Variants in DGKB observed in about 807,000 individuals in gnomAD.
DGKB encodes the protein diacylglycerol kinase beta, also known as 90 kDa diacylglycerol kinase.
In DGKB, 67 loss-of-function variants were observed where a neutral mutation model predicts 114.3. The ratio of observed to expected loss-of-function variants is 0.59; its 90% confidence interval spans 0.48 to 0.72. The LOEUF is 0.72. Among genes scored for constraint, DGKB ranks in the 30% least tolerant of loss-of-function variants. DGKB has a pLI of 0.00. For synonymous variants in DGKB, 398 were observed against 323.1 expected (o/e 1.23, Z -2.49); for missense variants, 907 against 975.2 (o/e 0.93, Z 0.93).
intron 23 of DGKB, among the ~76,000 whole-genome samples, chr7:14,216,428 GA>G (rs1788970448): frequency 6.6e-6 from 1 of 152,088 alleles, no homozygotes; most frequent in South Asian, 2.1e-4. Context: ...AGGTGACTAT[GA>G]AAATGCATAT....
intron 23 of DGKB, among the ~76,000 whole-genome samples, chr7:14,300,594 C>A (rs1010385149): frequency 3.9e-5 from 6 of 151,988 alleles, no homozygotes; most frequent in African/African-American, 9.7e-5. Context: ...TACCTGCAGT[C>A]AAATTTAAAT....
rs542712103 is a variant in DGKB at position 14,847,569 on chromosome 7, T to C, written c.-187-6119A>G. 5.9e-5 allele frequency among the ~76,000 whole-genome samples: 9 copies of C among 152,358 alleles called. No homozygotes were observed. The South Asian group carries it at 1.9e-3, about 32-fold the overall frequency. The stretch of plus-strand genomic sequence containing the variant: ...AGATGCAAGGCATCATGCCAGACAC[T>C]GGGGATGTAGTGTTATGCTAAACAG... On this transcript the variant is annotated intron_variant, in intron 1 of 25. Coordinates refer to ENST00000402815, the MANE Select transcript of DGKB (RefSeq NM_001350709.2).
intron 2 of DGKB, among the ~76,000 whole-genome samples, chr7:14,797,703 A>G (rs1339506083): frequency 6.6e-6 from 1 of 150,860 alleles, no homozygotes; most frequent in Non-Finnish European, 1.5e-5. Context: ...ATAATGTTGG[A>G]GCTTGTTCTA....
At position 14,172,428 on chromosome 7, in the gene DGKB, T is replaced by C. The variant is rs115730079; in HGVS notation, c.2304+4411A>G. Among the ~76,000 whole-genome samples, 3 of 151,908 alleles carry C rather than the reference T, an allele frequency of 2.0e-5. No individual in the cohort carries two copies. In the East Asian group the frequency reaches 5.8e-4, roughly 29 times the overall value. ...ATGAATTGGGCCAAATCTAAAACAG[T>C]GGTTAATAGGGAGAGAAAGAAAGGA... On this transcript the variant is annotated intron_variant, in intron 25 of 25. Coordinates refer to ENST00000402815, the MANE Select transcript of DGKB (RefSeq NM_001350709.2).
intron 12 of DGKB, among the ~76,000 whole-genome samples, chr7:14,680,120 G>A (rs1443164734): frequency 6.6e-6 from 1 of 151,918 alleles, no homozygotes; most frequent in African/African-American, 2.4e-5. Flanking sequence ...AGAGAGTTTA[G>A]TAAGAGGGCA....
At chr7:14,315,141 A>G (rs1387936197) in intron 23 of DGKB, among the ~76,000 whole-genome samples, 24 of 145,522 alleles carry the variant, frequency 1.6e-4, no homozygotes, top group African/African-American at 6.0e-4. Flanking sequence ...AGCGCTAAAC[A>G]TGGAAAGGAA....
At chr7:14,845,425 G>C (rs921957387) in intron 1 of DGKB, among the ~76,000 whole-genome samples, 25 of 152,100 alleles carry the variant, frequency 1.6e-4, no homozygotes, top group African/African-American at 5.8e-4. Context: ...AAGTTGTTTT[G>C]AGCCCTGATG....
chr7:14,618,148 A>T (rs1482849632), intron 15 of DGKB, among the ~76,000 whole-genome samples: 3 of 151,604 alleles, frequency 2.0e-5, no homozygotes, highest in African/African-American at 7.2e-5. Flanking sequence ...ACGTACACAC[A>T]CATACATCAA....
At position 14,148,402 on chromosome 7, in the gene DGKB, C is replaced by A. The variant is rs1037404918; in HGVS notation, c.*729G>T. On this transcript the variant is annotated 3_prime_UTR_variant, in exon 26 of 26. Coordinates refer to ENST00000402815, the MANE Select transcript of DGKB (RefSeq NM_001350709.2). The stretch of plus-strand genomic sequence containing the variant: ...GTGGTTATGAATTCTCTCCTAGATT[C>A]TCATGCAGAAAGGAACAAGGCTTGC... 6.6e-6 allele frequency: 1 copy of A among 152,588 alleles called. No individual in the cohort carries two copies. The highest frequency in any genetic ancestry group is 6.6e-5 in the Admixed American group (1 of 15,244). The allele number at this position is 152,588 out of a possible 1,614,324, so 9.5% of individuals were successfully genotyped here.
At chr7:14,308,503 A>G (rs1804846104) in intron 23 of DGKB, among the ~76,000 whole-genome samples, 1 of 152,226 alleles carries the variant, frequency 6.6e-6, no homozygotes, top group Non-Finnish European at 1.5e-5. Context: ...TTTATCAGAA[A>G]TATCTTTGCC....
At chr7:14,397,872 G>A (rs1444855111) in intron 21 of DGKB, among the ~76,000 whole-genome samples, 1 of 151,912 alleles carries the variant, frequency 6.6e-6, no homozygotes. Context: ...AATTGTTCCC[G>A]GGTGCTCAAC....
At chr7:14,351,580 A>G (rs1331779191) in intron 21 of DGKB, among the ~76,000 whole-genome samples, 1 of 152,216 alleles carries the variant, frequency 6.6e-6, no homozygotes, top group African/African-American at 2.4e-5. Flanking sequence ...CCAGTTGAAT[A>G]AAATCAGCAA....
At chr7:14,808,578 A>G (rs560369627) in intron 2 of DGKB, among the ~76,000 whole-genome samples, 1 of 152,150 alleles carries the variant, frequency 6.6e-6, no homozygotes, top group Non-Finnish European at 1.5e-5. Flanking sequence ...GAAGTTTTGC[A>G]CAAGATAAAG....
At chr7:14,599,096 C>T (rs1469020595) in intron 17 of DGKB, among the ~76,000 whole-genome samples, 4 of 152,192 alleles carry the variant, frequency 2.6e-5, no homozygotes, top group South Asian at 2.1e-4. Flanking sequence ...CTTCCTTGGA[C>T]GTGTGTCTTA....
rs185706964 is a variant in DGKB, at chr7:14,201,612, A to G, written c.2123-23461T>C. Among the ~76,000 whole-genome samples, 182 of 152,072 alleles carry G rather than the reference A, an allele frequency of 1.2e-3. 1 individual carries two copies. The highest frequency in any genetic ancestry group is 2.6e-4 in the Non-Finnish European group (18 of 67,930). On this transcript the variant is annotated intron_variant, in intron 23 of 25. Transcript: ENST00000402815. ...CAAGCTGATGATGATGTCACCAACT[A>G]AGATGCAAAATCCTGGGGGAAAAGC... is the stretch of plus-strand genomic sequence containing the variant.
At chr7:14,233,460 T>TGCAA (rs1792230133) in intron 23 of DGKB, among the ~76,000 whole-genome samples, 1 of 152,062 alleles carries the variant, frequency 6.6e-6, no homozygotes, top group South Asian at 2.1e-4. Flanking sequence ...TTTGCTATCT[T>TGCAA]GCAAGCGTAA....
At chr7:14,172,205 T>C (rs886137910) in intron 25 of DGKB, among the ~76,000 whole-genome samples, 2 of 150,842 alleles carry the variant, frequency 1.3e-5, no homozygotes, top group African/African-American at 4.8e-5. Context: ...GAGATTATGT[T>C]GGTAAAACAG....
intron 21 of DGKB, among the ~76,000 whole-genome samples, chr7:14,386,656 A>G (rs1426558897): frequency 1.3e-5 from 2 of 152,216 alleles, no homozygotes; most frequent in African/African-American, 4.8e-5. Context: ...CTCAGTCTAC[A>G]GTAATTACAG....
At chr7:14,742,013 G>C (rs1024535059) in intron 4 of DGKB, among the ~76,000 whole-genome samples, 2 of 151,916 alleles carry the variant, frequency 1.3e-5, no homozygotes, top group African/African-American at 4.8e-5. Flanking sequence ...ATTTTATCTT[G>C]CCACTCTTAA....
Sources: gnomAD v4.1 joint callset for allele counts (sites outside exome capture counted in the v4.1 genomes callset) on GRCh38, gnomAD v4.1.1 for gene constraint, MANE v1.5 for transcripts, NCBI Gene and HGNC (gene_info 2026-07-23, HGNC 2026-07-21) for gene names.